ANKAR: variants seen among roughly 807,000 people sequenced by gnomAD.
ANKAR encodes ankyrin and armadillo repeat-containing protein.
In ANKAR, 136 loss-of-function variants were observed where a neutral mutation model predicts 146.2. That is an observed-to-expected ratio of 0.93 (90% CI 0.81 to 1.07). ANKAR has a LOEUF of 1.07. Ranked by LOEUF, ANKAR falls within the 50% of genes least tolerant of loss-of-function variation. The pLI is 0.00. For missense variants in ANKAR, 1,567 were observed against 1,679.9 expected (o/e 0.93, Z 1.18); for synonymous variants, 500 against 575.8 (o/e 0.87, Z 1.88).
intron 10 of ANKAR, among the ~76,000 whole-genome samples, chr2:189,718,223 CAGG>C (rs1238983587): frequency 1.3e-5 from 2 of 152,132 alleles, no homozygotes; most frequent in Non-Finnish European, 2.9e-5. Flanking sequence ...GAGGCCAAGG[CAGG>C]AGGATAGCTT....
At chr2:189,675,280 A>T (rs981898187) in intron 1 of ANKAR, among the ~76,000 whole-genome samples, 2 of 152,190 alleles carry the variant, frequency 1.3e-5, no homozygotes, top group South Asian at 4.1e-4. Flanking sequence ...TGGCTCAATA[A>T]ATAGTAGTTG....
rs1297617747 is a variant in ANKAR at position 189,736,522 on chromosome 2, G to T, written c.3424-1161G>T. Among the ~76,000 whole-genome samples, 161 of 107,026 alleles carry T rather than the reference G, an allele frequency of 1.5e-3. 11 individuals are homozygous for T. The Admixed American group carries it at 0.015, about 10-fold the overall frequency. The allele number at this position is 107,026 out of a possible 152,430, so 70.2% of individuals were successfully genotyped here. ...GGGTTTTGTGTGTGTGTGTGTGTGT[G>T]TGTGTGTGTGTGTGTGTATGTGATT... On this transcript the variant is annotated intron_variant, in intron 17 of 22. Transcript: ENST00000684021.
intron 18 of ANKAR, among the ~76,000 whole-genome samples, chr2:189,757,994 G>T (rs954438024): frequency 5.3e-5 from 8 of 152,178 alleles, no homozygotes; most frequent in Non-Finnish European, 8.8e-5. Context: ...CAATGTTGAA[G>T]ATGGGGCCTG....
intron 10 of ANKAR, among the ~76,000 whole-genome samples, chr2:189,715,069 AG>A (rs1264014551): frequency 1.3e-5 from 2 of 152,084 alleles, no homozygotes; most frequent in African/African-American, 2.4e-5. Flanking sequence ...AGCTAACAGA[AG>A]GTGAGAAATA....
chr2:189,734,761 C>G (rs1056809595), intron 17 of ANKAR, among the ~76,000 whole-genome samples: 3 of 151,894 alleles, frequency 2.0e-5, no homozygotes, highest in African/African-American at 4.8e-5. Flanking sequence ...ATCAGGAGTT[C>G]GAGACCAGCC....
intron 2 of ANKAR, among the ~76,000 whole-genome samples, chr2:189,680,333 C>G (rs775577184): frequency 6.6e-6 from 1 of 152,060 alleles, no homozygotes; most frequent in Non-Finnish European, 1.5e-5. Flanking sequence ...TCTTCTCTCT[C>G]TTTTCTTGGT....
chr2:189,703,488 C>A (rs2038390487), intron 7 of ANKAR, among the ~76,000 whole-genome samples: 2 of 152,014 alleles, frequency 1.3e-5, no homozygotes, highest in Non-Finnish European at 2.9e-5. Flanking sequence ...TAAAAGAGAA[C>A]CAGGTTTGGA....
At chr2:189,691,594 A>C (rs2105806067) in intron 3 of ANKAR, among the ~76,000 whole-genome samples, 1 of 151,970 alleles carries the variant, frequency 6.6e-6, no homozygotes, top group South Asian at 2.1e-4. Flanking sequence ...ACAATAAATC[A>C]AGAACTGGAA....
At chr2:189,704,966 G>A in intron 7 of ANKAR, 57 bp from the exon 8 acceptor site, 4 of 1,529,284 alleles carry the variant, frequency 2.6e-6, no homozygotes, top group African/African-American at 2.7e-5. Flanking sequence ...AGGCATTTAG[G>A]TTTTTTTTAG....
chr2:189,722,689 T>C (rs931527795), intron 12 of ANKAR, among the ~76,000 whole-genome samples: 3 of 152,102 alleles, frequency 2.0e-5, no homozygotes, highest in Admixed American at 2.0e-4. Context: ...AAGACCATCC[T>C]GGCCAACATG....
chr2:189,683,701 T>C (rs1217645933), intron 2 of ANKAR, among the ~76,000 whole-genome samples: 1 of 152,198 alleles, frequency 6.6e-6, no homozygotes, highest in Non-Finnish European at 1.5e-5. Flanking sequence ...GCAGTGTAAG[T>C]TGTTATATCA....
rs1398260246 is a variant in ANKAR at position 189,676,838 on chromosome 2, A to C, written c.348A>C (p.Gln116His). The C allele has an allele frequency of 6.2e-7, 1 of 1,614,098 alleles. No homozygotes were observed. Among genetic ancestry groups the C allele is most frequent in the Non-Finnish European group, 8.5e-7 (1 of 1,180,042 alleles). ...CTATTGGAATTTATTGCCTAAATCA[A>C]ATCCCTTCCATCAGTTTAGAAGCTA... ...ELAIGIYCLNQIPSISLEANY... is the reference protein window; with the variant it reads ...ELAIGIYCLNHIPSISLEANY... Residue 116 changes from glutamine (Q) to histidine (H), a missense_variant, in exon 2 of 23, where the codon CAA (glutamine) becomes CAC (histidine). Coordinates refer to ENST00000684021, the MANE Select transcript of ANKAR (RefSeq NM_001378068.1).
chr2:189,731,688 GTATT>G (rs1180682485), intron 16 of ANKAR, among the ~76,000 whole-genome samples: 1 of 149,784 alleles, frequency 6.7e-6, no homozygotes, highest in East Asian at 2.0e-4. Context: ...TTTTTAATCT[GTATT>G]TATTTATTTA....
In ANKAR at chr2:189,720,346, C is replaced by CAAGTGAT. The variant is rs552898786; in HGVS notation, c.2467-272_2467-266dup. On this transcript the variant is annotated intron_variant, in intron 11 of 22. Transcript: ENST00000684021. ...CACTGCAACCTCTGCCTCGTGGGTT[C>CAAGTGAT]AAGTGATTCTCCTGCCTCATCCTCC... Among the ~76,000 whole-genome samples the CAAGTGAT allele has an allele frequency of 5.2e-4, 79 of 151,938 alleles. 2 individuals are homozygous for CAAGTGAT. In the South Asian group the frequency reaches 6.8e-3, roughly 13 times the overall value.
At chr2:189,734,637 G>A (rs1236012597) in intron 17 of ANKAR, among the ~76,000 whole-genome samples, 1 of 152,166 alleles carries the variant, frequency 6.6e-6, no homozygotes, top group Admixed American at 6.6e-5. Context: ...TGGGAATTAA[G>A]TCATGTTATT....
intron 18 of ANKAR, chr2:189,754,297 T>C (rs1412675042): frequency 6.2e-7 from 1 of 1,613,782 alleles, no homozygotes; most frequent in African/African-American, 1.3e-5. Context: ...TTCCCACCAC[T>C]CATGGTGGAG....
Position 189,676,468 on chromosome 2 carries a change from G to T in ANKAR, c.-23G>T. 1 of 1,514,918 alleles carries T rather than the reference G, an allele frequency of 6.6e-7. No individual in the cohort carries two copies. Among genetic ancestry groups the T allele is most frequent in the South Asian group, 1.2e-5 (1 of 81,986 alleles). The allele number at this position is 1,514,918 out of a possible 1,614,324, so 93.8% of individuals were successfully genotyped here. ...TTATTCATTGCAGAAGCTTCAAAAA[G>T]GACACACTAGATTTAATTAGAAATG... On this transcript the variant is annotated 5_prime_UTR_variant, in exon 2 of 23. In the 5' UTR this introduces an upstream ATG that the reference lacks. Coordinates refer to ENST00000684021, the MANE Select transcript of ANKAR (RefSeq NM_001378068.1).
intron 5 of ANKAR, 96 bp downstream of exon 5, chr2:189,693,273 C>T (rs1452938212): frequency 2.7e-6 from 2 of 753,560 alleles, no homozygotes; most frequent in Non-Finnish European, 2.2e-6. Flanking sequence ...TAATGTAAAC[C>T]TTTACAATGG....
downstream of ANKAR, among the ~76,000 whole-genome samples, chr2:189,762,100 T>G (rs188907367): frequency 6.6e-6 from 1 of 152,304 alleles, no homozygotes; most frequent in East Asian, 1.9e-4. Context: ...AAAATAAAAC[T>G]GGATCATTTG....
Sources: allele counts gnomAD v4.1 joint callset (sites outside exome capture counted in the v4.1 genomes callset), GRCh38; gene constraint gnomAD v4.1.1; transcripts MANE v1.5; gene names NCBI Gene and HGNC (gene_info 2026-07-23, HGNC 2026-07-21).